Variants in DRC11L observed in about 807,000 individuals in gnomAD.
DRC11L encodes dynein regulatory complex subunit like-11.
the DRC11L span, chr7:151,195,754 C>T: frequency 5.0e-6 from 2 of 397,758 alleles, no homozygotes; most frequent in African/African-American, 4.1e-5. Context: ...AGGGGAGGAG[C>T]CTTACAGAAG....
chr7:151,195,065 G>T, the DRC11L span, among the ~76,000 whole-genome samples: 1 of 152,172 alleles, frequency 6.6e-6, no homozygotes, highest in East Asian at 1.9e-4. Flanking sequence ...CCACTGACAA[G>T]TCCCTTAATG....
the DRC11L span, chr7:151,195,558 C>T: frequency 3.8e-5 from 15 of 399,754 alleles, no homozygotes; most frequent in Non-Finnish European, 6.2e-5. Context: ...CTGCCCAGCC[C>T]CAGCCCCTCA....
the DRC11L span, among the ~76,000 whole-genome samples, chr7:151,198,205 G>C: frequency 6.0e-5 from 9 of 150,852 alleles, no homozygotes; most frequent in Non-Finnish European, 1.2e-4. Context: ...GAGGTGGGTA[G>C]GTGGGTGGGT....
chr7:151,191,219 G>C, the DRC11L span: 1 of 397,888 alleles, frequency 2.5e-6, no homozygotes, highest in Non-Finnish European at 4.4e-6. Context: ...TTAGTGCTGG[G>C]GTTTCCCTTG....
At chr7:151,203,094 G>T in the DRC11L span, 2 of 399,238 alleles carry the variant, frequency 5.0e-6, no homozygotes, top group Non-Finnish European at 8.8e-6. Context: ...TTCCTGTAAA[G>T]CTCTGGCCAG....
the DRC11L span, chr7:151,194,131 G>A: frequency 1.3e-5 from 5 of 388,570 alleles, no homozygotes; most frequent in Non-Finnish European, 2.3e-5. Flanking sequence ...GGGCAGGGCA[G>A]GAGGACCTGG....
At chr7:151,194,713 G>C in the DRC11L span, 4 of 395,694 alleles carry the variant, frequency 1.0e-5, no homozygotes, top group African/African-American at 8.2e-5. Context: ...GGGTATCAGT[G>C]GTTCTCCTGT....
At chr7:151,203,665 AC>A in the DRC11L span, among the ~76,000 whole-genome samples, 1 of 151,968 alleles carries the variant, frequency 6.6e-6, no homozygotes, top group Admixed American at 6.5e-5. Flanking sequence ...TGGGGCAGAT[AC>A]CCCCAAGAGC....
chr7:151,204,535 C>G, the DRC11L span: 1 of 398,862 alleles, frequency 2.5e-6, no homozygotes, highest in East Asian at 3.6e-5. Context: ...TCCTGCAGCA[C>G]GCGGTCCAGG....
At chr7:151,194,654 A>G in the DRC11L span, 24 of 399,154 alleles carry the variant, frequency 6.0e-5, no homozygotes, top group African/African-American at 4.5e-4. Flanking sequence ...TTAGCAAGTG[A>G]GAACACAGGG....
At chr7:151,193,369 G>A in the DRC11L span, 6 of 399,486 alleles carry the variant, frequency 1.5e-5, no homozygotes, top group African/African-American at 2.1e-5. Context: ...GCGACAGGTC[G>A]AACAGGTTGG....
chr7:151,199,970 G>A, the DRC11L span, among the ~76,000 whole-genome samples: 1 of 152,220 alleles, frequency 6.6e-6, no homozygotes, highest in African/African-American at 2.4e-5. The surrounding 1 kb of genome is among the most constrained non-coding windows in gnomAD (Gnocchi z 5.2). Flanking sequence ...TTTGGGGAGT[G>A]TGTCCCCACC....
the DRC11L span, among the ~76,000 whole-genome samples, chr7:151,199,800 C>T: frequency 2.6e-5 from 4 of 152,240 alleles, no homozygotes; most frequent in South Asian, 2.1e-4. The surrounding 1 kb of genome is among the most constrained non-coding windows in gnomAD (Gnocchi z 5.2). Context: ...GAGCATGCTC[C>T]GGCCACCCCT....
the DRC11L span, chr7:151,194,559 G>A: frequency 3.7e-4 from 147 of 399,496 alleles, 2 homozygotes; most frequent in South Asian, 0.016. Flanking sequence ...TCCTTAGAAG[G>A]CCAGAAATAA....
chr7:151,197,049 C>T, the DRC11L span: 5 of 399,720 alleles, frequency 1.3e-5, no homozygotes, highest in Non-Finnish European at 2.2e-5. Flanking sequence ...ACCGCATCCA[C>T]TTCCTAGAAT....
the DRC11L span, among the ~76,000 whole-genome samples, chr7:151,205,285 C>T: frequency 6.6e-6 from 1 of 152,084 alleles, no homozygotes; most frequent in Non-Finnish European, 1.5e-5. Flanking sequence ...AATTAACCAT[C>T]GGAGGGAAGT....
At chr7:151,195,132 G>A in the DRC11L span, among the ~76,000 whole-genome samples, 1 of 152,158 alleles carries the variant, frequency 6.6e-6, no homozygotes, top group African/African-American at 2.4e-5. Context: ...GCTGGTTAAG[G>A]CAAAGGTTGG....
At chr7:151,199,655 C>A in the DRC11L span, among the ~76,000 whole-genome samples, 3 of 152,168 alleles carry the variant, frequency 2.0e-5, no homozygotes. The surrounding 1 kb of genome is among the most constrained non-coding windows in gnomAD (Gnocchi z 5.2). Flanking sequence ...GCCTCCCAGC[C>A]TGCCAAGATG....
the DRC11L span, chr7:151,198,822 A>G: frequency 2.5e-6 from 1 of 399,038 alleles, no homozygotes; most frequent in Non-Finnish European, 4.4e-6. Context: ...CCACTGTCGG[A>G]TTTGCTCCTT....
Sources: allele counts gnomAD v4.1 joint callset (sites outside exome capture counted in the v4.1 genomes callset), GRCh38; gene constraint gnomAD v4.1.1; non-coding constraint Gnocchi (gnomAD v3.1); transcripts MANE v1.5; gene names NCBI Gene and HGNC (gene_info 2026-07-23, HGNC 2026-07-21).